The following ANK3 variants were observed in gnomAD, a reference collection of about 807,000 sequenced individuals.
ANK3 encodes the protein ankyrin-3.
In ANK3, 57 loss-of-function variants were observed where a neutral mutation model predicts 370.9. The ratio of observed to expected loss-of-function variants is 0.15; its 90% CI spans 0.12 to 0.19. The LOEUF is 0.19. ANK3 is among the 10% of genes least tolerant of loss of function. The pLI, the probability that ANK3 is intolerant of heterozygous loss-of-function variation, is 1.00. For missense variants in ANK3, 4,439 were observed against 5,302.1 expected, an observed-to-expected ratio of 0.84 and a Z score of 5.06; for synonymous variants, 1,929 against 1,946.3, an observed-to-expected ratio of 0.99 and a Z score of 0.23.
chr10:60,273,304 A>G (rs2098030128), intron 4 of ANK3, among the ~76,000 whole-genome samples: 1 of 152,152 alleles, frequency 6.6e-6, no homozygotes, highest in African/African-American at 2.4e-5. Context: ...GAACAGTTAC[A>G]TACTTCCTTG....
intron 42 of ANK3, among the ~76,000 whole-genome samples, chr10:60,046,482 G>C (rs1408561041): frequency 6.6e-6 from 1 of 152,092 alleles, no homozygotes; most frequent in Non-Finnish European, 1.5e-5. Context: ...TTTTTGAATT[G>C]TTTGGACAAT....
At chr10:60,689,494 G>A (rs926012638) in intron 1 of ANK3, among the ~76,000 whole-genome samples, 1 of 152,174 alleles carries the variant, frequency 6.6e-6, no homozygotes, top group African/African-American at 2.4e-5. Context: ...GCTCAGGTCT[G>A]TAATATCAGA....
intron 1 of ANK3, among the ~76,000 whole-genome samples, chr10:60,358,370 G>C (rs563538478): frequency 7.9e-5 from 12 of 152,162 alleles, no homozygotes; most frequent in East Asian, 1.9e-4. Flanking sequence ...AGACACTGTT[G>C]GTTGGCCACA....
intron 1 of ANK3, among the ~76,000 whole-genome samples, chr10:60,291,687 T>C (rs1310404414): frequency 1.3e-5 from 2 of 152,080 alleles, no homozygotes; most frequent in East Asian, 1.9e-4. Flanking sequence ...TAACCCAAGA[T>C]GTGAAAAGAA....
chr10:60,265,592 A>G (rs1298451412), intron 5 of ANK3, among the ~76,000 whole-genome samples: 1 of 152,136 alleles, frequency 6.6e-6, no homozygotes, highest in Non-Finnish European at 1.5e-5. Flanking sequence ...TAACTAGAGA[A>G]CTGGCATGCA....
intron 2 of ANK3, among the ~76,000 whole-genome samples, chr10:60,556,895 G>T (rs556660313): frequency 1.5e-4 from 23 of 152,288 alleles, no homozygotes; most frequent in South Asian, 4.1e-4. Flanking sequence ...CCTCCTGTTG[G>T]ATCAGCTGCG....
chr10:60,374,418 A>C (rs78638255), intron 1 of ANK3, among the ~76,000 whole-genome samples: 1 of 152,094 alleles, frequency 6.6e-6, no homozygotes, highest in Non-Finnish European at 1.5e-5. Flanking sequence ...AGGGTGAGGC[A>C]GGAGATGAGC....
At chr10:60,703,029 C>T (rs2079566261) in intron 1 of ANK3, among the ~76,000 whole-genome samples, 1 of 152,034 alleles carries the variant, frequency 6.6e-6, no homozygotes, top group African/African-American at 2.4e-5. Flanking sequence ...AATAAATTGC[C>T]TGAAATACAA....
intron 1 of ANK3, among the ~76,000 whole-genome samples, chr10:60,305,142 A>T (rs2044722813): frequency 6.6e-6 from 1 of 152,174 alleles, no homozygotes; most frequent in African/African-American, 2.4e-5. Context: ...CCCAATTCAG[A>T]TCAAACTCTT....
chr10:60,202,978 C>A, intron 12 of ANK3, 24 bp downstream of exon 12: 2 of 1,523,948 alleles, frequency 1.3e-6, no homozygotes, highest in Non-Finnish European at 1.8e-6. Context: ...CACAATGGAC[C>A]TCCTTTGTTC....
At chr10:60,248,792 T>A (rs2097596262) in intron 7 of ANK3, among the ~76,000 whole-genome samples, 2 of 152,214 alleles carry the variant, frequency 1.3e-5, no homozygotes, top group Admixed American at 1.3e-4. Flanking sequence ...GACCCTGAGC[T>A]GTCTGATTCC....
At chr10:60,539,983 C>T (rs2076810813) in intron 2 of ANK3, among the ~76,000 whole-genome samples, 1 of 151,914 alleles carries the variant, frequency 6.6e-6, no homozygotes. Flanking sequence ...GAGGAAAAGT[C>T]ATGGACAAGG....
intron 43 of ANK3, among the ~76,000 whole-genome samples, chr10:60,033,127 A>G (rs1376661446): frequency 6.6e-6 from 1 of 152,210 alleles, no homozygotes; most frequent in Non-Finnish European, 1.5e-5. Context: ...TTTCAAACCT[A>G]AAGGTGGGAG....
Position 60,076,106 on chromosome 10 carries a change from A to G in ANK3, c.4775T>C (p.Ile1592Thr), listed in dbSNP as rs775481138. 9 of 1,614,056 alleles carry G rather than the reference A, an allele frequency of 5.6e-6. 1 individual carries two copies. Among genetic ancestry groups the G allele is most frequent in the Admixed American group, 1.7e-5 (1 of 60,004 alleles). Reference sequence around the variant, plus strand: ...AGCCAGGGTACCAGAGGAAACTTGGATATTGTATGGAGATTGTGACACCAC... The same window carrying G: ...AGCCAGGGTACCAGAGGAAACTTGGGTATTGTATGGAGATTGTGACACCAC... The part of the protein sequence containing the change: ...KTVVSQSPYN[I>T]QVSSGTLARA... Residue 1592 changes from isoleucine (I) to threonine (T), a missense_variant, in exon 37 of 44, where the codon ATC becomes ACC. Physicochemically the swap from Ile to Thr is moderately conservative, Grantham distance 89 (BLOSUM62 -1). This residue lies in a region of ANK3 where 679 missense variants were observed against 791.0 expected (regional missense o/e 0.86). Transcript: ENST00000280772.
chr10:60,468,760 T>C (rs1042107183), intron 2 of ANK3, among the ~76,000 whole-genome samples: 1 of 151,778 alleles, frequency 6.6e-6, no homozygotes, highest in African/African-American at 2.4e-5. Context: ...AACTTCAGCA[T>C]AATATATTAT....
intron 2 of ANK3, among the ~76,000 whole-genome samples, chr10:60,420,842 T>C (rs368833694): frequency 3.2e-4 from 48 of 152,188 alleles, no homozygotes; most frequent in Middle Eastern, 3.4e-3. Context: ...ACCTAGCAAT[T>C]GCACTGCTAG....
At chr10:60,310,247 C>A (rs1017854979) in intron 1 of ANK3, among the ~76,000 whole-genome samples, 2 of 152,060 alleles carry the variant, frequency 1.3e-5, no homozygotes, top group Admixed American at 6.6e-5. Context: ...AAAGTCATTT[C>A]ATGAGCAAAA....
At chr10:60,335,982 C>T (rs1440701945) in intron 1 of ANK3, among the ~76,000 whole-genome samples, 1 of 152,042 alleles carries the variant, frequency 6.6e-6, no homozygotes, top group Non-Finnish European at 1.5e-5. Context: ...CCGTAAGTGC[C>T]CACTATAATT....
chr10:60,155,439 C>G (rs979864667), intron 23 of ANK3, among the ~76,000 whole-genome samples: 1 of 152,204 alleles, frequency 6.6e-6, no homozygotes, highest in Admixed American at 6.5e-5. Context: ...TCCCAGCCAG[C>G]TTCACCATTG....
Sources: gnomAD v4.1 joint callset for allele counts (sites outside exome capture counted in the v4.1 genomes callset) on GRCh38, gnomAD v4.1.1 for gene constraint, gnomAD v4.1.1 regional missense constraint, MANE v1.5 for transcripts, NCBI Gene and HGNC (gene_info 2026-07-23, HGNC 2026-07-21) for gene names.